The following ADAMTS19 variants were observed in gnomAD, a reference collection of about 807,000 sequenced individuals.
ADAMTS19 encodes the protein ADAM metallopeptidase with thrombospondin type 1 motif 19.
A neutral mutation model predicts 153.3 loss-of-function variants in ADAMTS19; 93 were observed. The observed-to-expected ratio is 0.61, with a 90% confidence interval of 0.51 to 0.72. ADAMTS19 has a LOEUF of 0.72. ADAMTS19 is among the 30% of genes least tolerant of loss of function. The pLI is 0.00. For missense variants in ADAMTS19, 1,482 were observed against 1,552.1 expected (o/e 0.95, Z 0.76); for synonymous variants, 600 against 556.6 (o/e 1.08, Z -1.10).
chr5:129,462,680 G>A (rs1372175209), intron 2 of ADAMTS19, among the ~76,000 whole-genome samples: 9 of 152,070 alleles, frequency 5.9e-5, no homozygotes, highest in Non-Finnish European at 1.2e-4. Flanking sequence ...GTACAGGTAC[G>A]TGGCATTAAG....
chr5:129,499,154 G>T (rs1035117942), intron 2 of ADAMTS19, among the ~76,000 whole-genome samples: 1 of 151,844 alleles, frequency 6.6e-6, no homozygotes, highest in Non-Finnish European at 1.5e-5. Context: ...TCTATTTAAA[G>T]AATTCATAGA....
intron 22 of ADAMTS19, among the ~76,000 whole-genome samples, chr5:129,736,641 C>A (rs555451321): frequency 9.9e-5 from 15 of 152,164 alleles, no homozygotes; most frequent in Middle Eastern, 6.8e-3. Context: ...TAACTGTGAG[C>A]ATATTTTTAC....
intron 7 of ADAMTS19, among the ~76,000 whole-genome samples, chr5:129,574,582 G>A (rs1480854661): frequency 6.6e-6 from 1 of 151,738 alleles, no homozygotes; most frequent in Non-Finnish European, 1.5e-5. Flanking sequence ...ACTGAGGCTG[G>A]GATTCAAACC....
intron 21 of ADAMTS19, among the ~76,000 whole-genome samples, chr5:129,714,189 G>A (rs1756607013): frequency 1.3e-5 from 2 of 151,872 alleles, no homozygotes; most frequent in Non-Finnish European, 2.9e-5. Context: ...GGAGGCCGAG[G>A]CGGGTGGATC....
intron 17 of ADAMTS19, among the ~76,000 whole-genome samples, chr5:129,680,563 C>G (rs1022233751): frequency 2.0e-5 from 3 of 151,962 alleles, no homozygotes; most frequent in African/African-American, 7.3e-5. Context: ...TCGAGACCAG[C>G]CTGACCAACA....
At chr5:129,639,423 A>G (rs1450037398) in intron 10 of ADAMTS19, among the ~76,000 whole-genome samples, 1 of 152,202 alleles carries the variant, frequency 6.6e-6, no homozygotes, top group Non-Finnish European at 1.5e-5. Flanking sequence ...TTTATTTACC[A>G]TAAGATCCCT....
chr5:129,689,792 A>G lies in ADAMTS19; in HGVS notation c.2819-4928A>G, dbSNP rs969127496. Among the ~76,000 whole-genome samples, 6 of 152,334 alleles carry G rather than the reference A, an allele frequency of 3.9e-5. No individual in the cohort carries two copies. The South Asian group carries it at 1.0e-3, about 26-fold the overall frequency. On this transcript the variant is annotated intron_variant, in intron 18 of 22. Transcript: ENST00000274487. ...CATTATTTGCCAAAGAAAATGCACC[A>G]GAATATATTTTCCATTTTTTCTCTG...
At chr5:129,675,059 G>A (rs1429435984) in intron 16 of ADAMTS19, among the ~76,000 whole-genome samples, 1 of 152,040 alleles carries the variant, frequency 6.6e-6, no homozygotes, top group South Asian at 2.1e-4. Context: ...TTCTTTCTCT[G>A]AATGTGATAT....
At chr5:129,549,275 G>A (rs1179768841) in intron 6 of ADAMTS19, among the ~76,000 whole-genome samples, 1 of 150,878 alleles carries the variant, frequency 6.6e-6, no homozygotes, top group Non-Finnish European at 1.5e-5. Flanking sequence ...ATCAATAATA[G>A]AAAAGGATTA....
intron 7 of ADAMTS19, among the ~76,000 whole-genome samples, chr5:129,558,255 A>G (rs1753381321): frequency 6.6e-6 from 1 of 152,146 alleles, no homozygotes; most frequent in African/African-American, 2.4e-5. Context: ...TAAACTAGAT[A>G]ATTGTATTAT....
chr5:129,490,971 T>C (rs1012381785), intron 2 of ADAMTS19, among the ~76,000 whole-genome samples: 2 of 148,174 alleles, frequency 1.3e-5, no homozygotes, highest in East Asian at 3.9e-4. Context: ...TAAACATATA[T>C]TGTTGTTAGA....
At chr5:129,591,812 G>A (rs1260261146) in intron 7 of ADAMTS19, among the ~76,000 whole-genome samples, 1 of 152,044 alleles carries the variant, frequency 6.6e-6, no homozygotes, top group East Asian at 1.9e-4. Flanking sequence ...CTTAAAAACA[G>A]CACTTCTGGA....
At chr5:129,478,282 C>G (rs531847779) in intron 2 of ADAMTS19, among the ~76,000 whole-genome samples, 254 of 152,124 alleles carry the variant, frequency 1.7e-3, no homozygotes, top group African/African-American at 6.0e-3. Flanking sequence ...AAATAATAAC[C>G]TAGAATTTAG....
At chr5:129,729,834 A>G (rs1427778776) in intron 21 of ADAMTS19, among the ~76,000 whole-genome samples, 3 of 152,066 alleles carry the variant, frequency 2.0e-5, no homozygotes, top group Non-Finnish European at 4.4e-5. Flanking sequence ...CTTTGCTCAT[A>G]TCCCTTGGAG....
intron 7 of ADAMTS19, among the ~76,000 whole-genome samples, chr5:129,574,281 T>C (rs985212637): frequency 9.2e-5 from 14 of 152,102 alleles, no homozygotes; most frequent in African/African-American, 3.1e-4. Flanking sequence ...TAACTTTTTT[T>C]TCGGCATTTT....
chr5:129,461,748 A>T lies in ADAMTS19; in HGVS notation c.738A>T (p.Gly246=). The change falls in exon 2 of 23, where the codon GGA becomes GGT. Residue 246 remains glycine (G), a synonymous_variant. Transcript: ENST00000274487. The surrounding 1 kb of genome is among the most constrained non-coding windows in gnomAD (Gnocchi z 4.6). ...PGSLASFSTC[G]GGLMGFIQLN... ...CGCTGGCTTCTTTCAGCACCTGTGG[A>T]GGTGGCCTGGTAAGCGCCTTCTTTC... 1.3e-6 allele frequency: 2 copies of T among 1,498,054 alleles called. No homozygotes were observed. The highest frequency in any genetic ancestry group is 2.6e-5 in the South Asian group (2 of 75,586). 92.8% of individuals were successfully genotyped at this position (1,498,054 alleles called of 1,614,324 possible).
In ADAMTS19 at chr5:129,724,849, C is replaced by A. The variant is rs150128060; in HGVS notation, c.3313-10083C>A. Reference sequence around the variant, plus strand: ...AAGCTGGCCACCCCACCCTAATCTTCTATTATGCAGATGGGTTCTCCACTT... The same window carrying A: ...AAGCTGGCCACCCCACCCTAATCTTATATTATGCAGATGGGTTCTCCACTT... On this transcript the variant is annotated intron_variant, in intron 21 of 22. Coordinates refer to ENST00000274487, the MANE Select transcript of ADAMTS19 (RefSeq NM_133638.6). 3.8e-4 allele frequency among the ~76,000 whole-genome samples: 58 copies of A among 152,156 alleles called. No individual in the cohort carries two copies. The East Asian group carries it at 9.7e-3, about 25-fold the overall frequency.
intron 2 of ADAMTS19, among the ~76,000 whole-genome samples, chr5:129,466,701 G>A (rs1032848504): frequency 6.6e-6 from 1 of 152,220 alleles, no homozygotes; most frequent in East Asian, 1.9e-4. Context: ...TAATAGGAAT[G>A]CATTTAAAAA....
intron 2 of ADAMTS19, among the ~76,000 whole-genome samples, chr5:129,479,773 A>G (rs1318747784): frequency 3.9e-5 from 6 of 152,192 alleles, no homozygotes; most frequent in Non-Finnish European, 8.8e-5. Context: ...CAAAAACTGT[A>G]AAATATTGCT....
Sources: allele counts gnomAD v4.1 joint callset (sites outside exome capture counted in the v4.1 genomes callset), GRCh38; gene constraint gnomAD v4.1.1; non-coding constraint Gnocchi (gnomAD v3.1); transcripts MANE v1.5; gene names NCBI Gene and HGNC (gene_info 2026-07-23, HGNC 2026-07-21).